CLSTN3: variants seen among roughly 807,000 people sequenced by gnomAD.
CLSTN3 encodes calsyntenin-3.
In CLSTN3, 36 loss-of-function variants were observed where a neutral mutation model predicts 95.9. That is an observed-to-expected ratio of 0.38 (90% CI 0.29 to 0.50). The LOEUF is 0.50. CLSTN3 is among the 20% of genes least tolerant of loss of function. The pLI, the probability that CLSTN3 is intolerant of heterozygous loss-of-function variation, is 0.95. For missense variants in CLSTN3, 1,084 were observed against 1,268.8 expected (o/e 0.85, Z 2.21); for synonymous variants, 481 against 504.0 (o/e 0.95, Z 0.61).
At chr12:7,140,950 G>A (rs1009761059) in intron 8 of CLSTN3, among the ~76,000 whole-genome samples, 1 of 152,160 alleles carries the variant, frequency 6.6e-6, no homozygotes, top group Non-Finnish European at 1.5e-5. Context: ...ACATAAGTTC[G>A]GGGGGCAGGG....
rs1223860950 is a variant in CLSTN3 at position 7,141,954 on chromosome 12, G to A, written c.1487-132G>A. The stretch of plus-strand genomic sequence containing the variant: ...AGCTGAGAGGTTGCAAGTTATACAT[G>A]GGCAGGGTCAGAATCCCATGTGGGC... On this transcript the variant is annotated intron_variant, in intron 9 of 17. Coordinates refer to ENST00000266546, the MANE Select transcript of CLSTN3 (RefSeq NM_014718.4). This position sits in a 1 kb window ranked among gnomAD's most constrained non-coding sequence, Gnocchi z 4.1. 6 of 675,200 alleles carry A rather than the reference G, an allele frequency of 8.9e-6. No homozygotes were observed. The Admixed American group carries it at 1.7e-4, about 19-fold the overall frequency. 41.8% of individuals were successfully genotyped at this position (675,200 alleles called of 1,614,324 possible).
chr12:7,148,010 C>T (rs775169180), intron 12 of CLSTN3, among the ~76,000 whole-genome samples: 32 of 151,908 alleles, frequency 2.1e-4, no homozygotes, highest in Non-Finnish European at 4.3e-4. Flanking sequence ...CAAAAATTAG[C>T]CGGGTGTGGT....
In CLSTN3 at chr12:7,141,953, T is replaced by C. The variant is rs1308516996; in HGVS notation, c.1487-133T>C. On this transcript the variant is annotated intron_variant, in intron 9 of 17. Transcript: ENST00000266546. This position sits in a 1 kb window ranked among gnomAD's most constrained non-coding sequence, Gnocchi z 4.1. ...GAGCTGAGAGGTTGCAAGTTATACATGGGCAGGGTCAGAATCCCATGTGGG... is the reference window on the plus strand; with the variant it reads ...GAGCTGAGAGGTTGCAAGTTATACACGGGCAGGGTCAGAATCCCATGTGGG... 3.0e-6 allele frequency: 2 copies of C among 671,996 alleles called. No homozygotes were observed. The highest frequency in any genetic ancestry group is 5.0e-6 in the Non-Finnish European group (2 of 401,246). The allele number at this position is 671,996 out of a possible 1,614,324, so 41.6% of individuals were successfully genotyped here.
rs1939701701 is a variant in CLSTN3 at position 7,150,368 on chromosome 12, T to A, written c.2246-176T>A. Among the ~76,000 whole-genome samples the A allele has an allele frequency of 6.6e-6, 1 of 152,116 alleles. No individual in the cohort carries two copies. Among genetic ancestry groups the A allele is most frequent in the South Asian group, 2.1e-4 (1 of 4,820 alleles). ...ATCTCTCCATCCTAGTTAGTCAGAG[T>A]GGGCAGGGATGGAGGGGAGCATCCC... is the stretch of plus-strand genomic sequence containing the variant. On this transcript the variant is annotated intron_variant, in intron 14 of 17. Coordinates refer to ENST00000266546, the MANE Select transcript of CLSTN3 (RefSeq NM_014718.4). This position sits in a 1 kb window ranked among gnomAD's most constrained non-coding sequence, Gnocchi z 4.0.
At chr12:7,130,309 C>A (rs1167452357), upstream of CLSTN3, 2 of 914,250 alleles carry the variant, frequency 2.2e-6, no homozygotes, top group Non-Finnish European at 2.8e-6. Context: ...CTGGTCCCCC[C>A]CCCTCCCAGT....
At chr12:7,144,555 A>G (rs141617878) in intron 12 of CLSTN3, among the ~76,000 whole-genome samples, 1 of 152,290 alleles carries the variant, frequency 6.6e-6, no homozygotes, top group Non-Finnish European at 1.5e-5. Flanking sequence ...GGCTATTATT[A>G]CATAAAGGCA....
Position 7,151,080 on chromosome 12 carries a change from G to T in CLSTN3, c.2527+17G>T. Reference sequence around the variant, plus strand: ...GAAACTCCAGTACGTAAGCCTGGTGGGGCTGGGCAGGGAGGGGCAGGTGGC... The same window carrying T: ...GAAACTCCAGTACGTAAGCCTGGTGTGGCTGGGCAGGGAGGGGCAGGTGGC... On this transcript the variant is annotated intron_variant, in intron 16 of 17. Transcript: ENST00000266546. 1 of 1,552,822 alleles carries T rather than the reference G, an allele frequency of 6.4e-7. No individual in the cohort carries two copies. Among genetic ancestry groups the T allele is most frequent in the East Asian group, 2.3e-5 (1 of 43,268 alleles).
In CLSTN3 at chr12:7,137,136, C is replaced by A; in HGVS notation, c.1210+26C>A. 1 of 1,576,518 alleles carries A rather than the reference C, an allele frequency of 6.3e-7. No individual in the cohort carries two copies. The highest frequency in any genetic ancestry group is 1.1e-5 in the South Asian group (1 of 88,096). ...GTGAGCCTCCCCTCCAGGCACTAGC[C>A]AGAGGGGGAAACTGGCTTCTTGTCC... On this transcript the variant is annotated intron_variant, in intron 7 of 17. Transcript: ENST00000266546. This position sits in a 1 kb window ranked among gnomAD's most constrained non-coding sequence, Gnocchi z 4.4.
Position 7,149,111 on chromosome 12 carries a change from G to A in CLSTN3, c.1987G>A (p.Gly663Ser), listed in dbSNP as rs761425275. 41 of 1,614,060 alleles carry A rather than the reference G, an allele frequency of 2.5e-5. No homozygotes were observed. The highest frequency in any genetic ancestry group is 7.7e-5 in the South Asian group (7 of 91,074). Residue 663 changes from glycine (G) to serine (S), a missense_variant, in exon 13 of 18, where the codon GGC (glycine) becomes AGC (serine). Transcript: ENST00000266546. This position sits in a 1 kb window ranked among gnomAD's most constrained non-coding sequence, Gnocchi z 4.5. ...AGCTGTGGACTTTGAGGGAACCAAC[G>A]GCGTCCCTTTGTTCCCTGATCTTCA... ...RPAVDFEGTN[G>S]VPLFPDLQIT...
chr12:7,153,682 T>A (rs898363305), intron 16 of CLSTN3, among the ~76,000 whole-genome samples: 1 of 152,198 alleles, frequency 6.6e-6, no homozygotes, highest in Non-Finnish European at 1.5e-5. Context: ...AGTTCTTTCA[T>A]TGGGGATCAT....
At chr12:7,148,461 G>A (rs1012403379) in intron 12 of CLSTN3, among the ~76,000 whole-genome samples, 3 of 152,138 alleles carry the variant, frequency 2.0e-5, no homozygotes, top group Non-Finnish European at 4.4e-5. Context: ...GTGTTTCCCC[G>A]ATATTGAAGG....
intron 12 of CLSTN3, among the ~76,000 whole-genome samples, chr12:7,146,417 AG>A (rs200065089): frequency 0.013 from 1,922 of 151,484 alleles, 43 homozygotes; most frequent in African/African-American, 0.043. Context: ...TTAGAGAGAG[AG>A]AAAAAAAAAA....
rs1377640996 is a variant in CLSTN3 at position 7,142,894 on chromosome 12, C to T, written c.1566C>T (p.Tyr522=). The change falls in exon 11 of 18, where the codon TAC becomes TAT. Residue 522 remains tyrosine, a synonymous_variant. Coordinates refer to ENST00000266546, the MANE Select transcript of CLSTN3 (RefSeq NM_014718.4). ...GAGACCCTTTGTCGATCCACCACTA[C>T]TTCCATGGCTACCTGGCTGGTTTCA... The part of the protein sequence containing the change: ...TQGDPLSIHH[Y]FHGYLAGFSV... The T allele has an allele frequency of 1.9e-6, 3 of 1,614,198 alleles. No homozygotes were observed. In the South Asian group the frequency reaches 3.3e-5, roughly 18 times the overall value.
chr12:7,144,119 T>G (rs1939582528), intron 12 of CLSTN3, among the ~76,000 whole-genome samples: 1 of 150,184 alleles, frequency 6.7e-6, no homozygotes, highest in Non-Finnish European at 1.5e-5. Context: ...CCCAGTTACT[T>G]GGGAGGCTGA....
intron 12 of CLSTN3, among the ~76,000 whole-genome samples, chr12:7,144,379 A>T (rs181177854): frequency 6.6e-6 from 1 of 152,218 alleles, no homozygotes; most frequent in Admixed American, 6.5e-5. Context: ...AGAGGCAACG[A>T]AAGTATGATA....
In CLSTN3 at chr12:7,136,395, G is replaced by A; in HGVS notation, c.928+4G>A. ...CGGGCGCTGCGGAAACTCTGTGGTA[G>A]GTGTGCCCCCAACACTGCCTCAGGC... On this transcript the variant is annotated splice_donor_region_variant and intron_variant, in intron 6 of 17. Transcript: ENST00000266546. 6.2e-7 allele frequency: 1 copy of A among 1,603,464 alleles called. No homozygotes were observed. The highest frequency in any genetic ancestry group is 1.1e-5 in the South Asian group (1 of 89,842).
At chr12:7,152,501 T>C (rs180983646) in intron 16 of CLSTN3, among the ~76,000 whole-genome samples, 1 of 152,296 alleles carries the variant, frequency 6.6e-6, no homozygotes, top group Non-Finnish European at 1.5e-5. Context: ...CGGTCACCTT[T>C]GAAAAGAGTC....
At position 7,137,488 on chromosome 12, in the gene CLSTN3, C is replaced by T. The variant is rs889059625; in HGVS notation, c.1210+378C>T. 7.9e-5 allele frequency among the ~76,000 whole-genome samples: 12 copies of T among 152,160 alleles called. No homozygotes were observed. The highest frequency in any genetic ancestry group is 1.8e-4 in the Non-Finnish European group (12 of 68,024). On this transcript the variant is annotated intron_variant, in intron 7 of 17. Transcript: ENST00000266546. This position sits in a 1 kb window ranked among gnomAD's most constrained non-coding sequence, Gnocchi z 4.4. ...ATCATCCCATCCTGGGACTGGTTGG[C>T]CCCAACTCCGAGGCCTGTTCTTCCC...
intron 6 of CLSTN3, 33 bp downstream of exon 6, chr12:7,136,424 T>C (rs370688184): frequency 1.8e-5 from 27 of 1,537,664 alleles, no homozygotes; most frequent in African/African-American, 2.7e-5. Context: ...CTCAGGCCTA[T>C]CCCTTCCCAT....
Sources: gnomAD v4.1 joint callset for allele counts (sites outside exome capture counted in the v4.1 genomes callset) on GRCh38, gnomAD v4.1.1 for gene constraint, Gnocchi (gnomAD v3.1) non-coding constraint, MANE v1.5 for transcripts, NCBI Gene and HGNC (gene_info 2026-07-23, HGNC 2026-07-21) for gene names.